Variants in PDE4D observed in about 807,000 individuals in gnomAD.
PDE4D encodes the protein 3',5'-cyclic-AMP phosphodiesterase 4D.
In PDE4D, 24 loss-of-function variants were observed where a neutral mutation model predicts 87.4. The observed-to-expected ratio is 0.27, with a 90% CI of 0.20 to 0.39. The LOEUF is 0.39. Among genes scored for constraint, PDE4D ranks in the 10% least tolerant of loss-of-function variants. PDE4D has a pLI of 1.00. For synonymous variants in PDE4D, 384 were observed against 383.2 expected, an observed-to-expected ratio of 1.00 and a Z score of -0.02; for missense variants, 714 against 1,041.0, an observed-to-expected ratio of 0.69 and a Z score of 4.32.
At chr5:60,384,313 C>T (rs1762059820) in intron 1 of PDE4D, among the ~76,000 whole-genome samples, 1 of 152,140 alleles carries the variant, frequency 6.6e-6, no homozygotes, top group African/African-American at 2.4e-5. Flanking sequence ...ATTATTCTTA[C>T]CTATTCATTA....
At chr5:59,849,367 CAA>C (rs1744340761) in intron 1 of PDE4D, among the ~76,000 whole-genome samples, 2 of 151,728 alleles carry the variant, frequency 1.3e-5, no homozygotes, top group Admixed American at 1.3e-4. Flanking sequence ...TTTAAAGAAA[CAA>C]GAGCAACAAA....
chr5:59,606,495 G>GATTCATCTT, intron 1 of PDE4D, among the ~76,000 whole-genome samples: 1 of 152,040 alleles, frequency 6.6e-6, no homozygotes, highest in South Asian at 2.1e-4. Context: ...TGAATCTGAG[G>GATTCATCTT]AACCTGGAGA....
chr5:59,395,232 G>A (rs919450356), intron 1 of PDE4D, among the ~76,000 whole-genome samples: 5 of 152,146 alleles, frequency 3.3e-5, no homozygotes, highest in Admixed American at 6.5e-5. Flanking sequence ...GCCCACCACA[G>A]CTCAAGGAGG....
intron 1 of PDE4D, among the ~76,000 whole-genome samples, chr5:59,402,748 G>A (rs932469106): frequency 6.6e-6 from 1 of 152,002 alleles, no homozygotes; most frequent in African/African-American, 2.4e-5. Context: ...GGAGTCTTTT[G>A]TGCCACCCTC....
At chr5:59,604,369 A>T (rs1168097039) in intron 1 of PDE4D, among the ~76,000 whole-genome samples, 1 of 152,068 alleles carries the variant, frequency 6.6e-6, no homozygotes, top group Non-Finnish European at 1.5e-5. Flanking sequence ...GATTCCTCAG[A>T]TGTTTGCCAT....
chr5:60,338,960 C>A (rs1758064104), intron 1 of PDE4D, among the ~76,000 whole-genome samples: 1 of 152,130 alleles, frequency 6.6e-6, no homozygotes, highest in African/African-American at 2.4e-5. Context: ...TAGTACCAAA[C>A]CTAATTGCGG....
At chr5:59,214,108 C>T (rs748055036) in intron 2 of PDE4D, among the ~76,000 whole-genome samples, 20 of 150,748 alleles carry the variant, frequency 1.3e-4, no homozygotes, top group Non-Finnish European at 1.8e-4. Flanking sequence ...GCATCTAAAC[C>T]AGCTCTTTGC....
chr5:60,062,154 T>A (rs1771479032), intron 2 of PDE4D, among the ~76,000 whole-genome samples: 1 of 151,964 alleles, frequency 6.6e-6, no homozygotes. Flanking sequence ...ATTTTTGCAA[T>A]CTACCCATCT....
chr5:59,866,807 T>C (rs1038617267), intron 1 of PDE4D, among the ~76,000 whole-genome samples: 3 of 152,166 alleles, frequency 2.0e-5, no homozygotes, highest in Non-Finnish European at 4.4e-5. Context: ...AAGCTGAAGT[T>C]GTCACGATCT....
At chr5:60,248,403 A>G (rs1193219314) in intron 1 of PDE4D, among the ~76,000 whole-genome samples, 2 of 152,088 alleles carry the variant, frequency 1.3e-5, no homozygotes, top group East Asian at 1.9e-4. Context: ...CATGTCAGCC[A>G]TGGCAAGACA....
At chr5:59,840,910 G>A (rs1399674501) in intron 1 of PDE4D, among the ~76,000 whole-genome samples, 3 of 152,042 alleles carry the variant, frequency 2.0e-5, no homozygotes, top group Admixed American at 1.3e-4. Flanking sequence ...ATTGATTCTT[G>A]AAGAAAGATT....
chr5:60,430,092 T>C (rs1744087325), intron 1 of PDE4D: 3 of 524,316 alleles, frequency 5.7e-6, no homozygotes, highest in African/African-American at 1.9e-5. Context: ...TATCAAAGTG[T>C]GCATCTGGAG....
At chr5:60,159,690 A>G (rs1782306745) in intron 2 of PDE4D, among the ~76,000 whole-genome samples, 1 of 152,214 alleles carries the variant, frequency 6.6e-6, no homozygotes, top group African/African-American at 2.4e-5. Flanking sequence ...TGACTGTACT[A>G]AATAAATATT....
At chr5:59,814,361 A>C (rs1372113303) in intron 1 of PDE4D, among the ~76,000 whole-genome samples, 3 of 152,142 alleles carry the variant, frequency 2.0e-5, no homozygotes, top group Non-Finnish European at 2.9e-5. Context: ...AATTTGGCTG[A>C]CCCCTGCATG....
intron 1 of PDE4D, among the ~76,000 whole-genome samples, chr5:59,828,294 A>T (rs1770562648): frequency 6.6e-6 from 1 of 152,106 alleles, no homozygotes; most frequent in South Asian, 2.1e-4. Flanking sequence ...AAACTTCCAG[A>T]TATATGTTAT....
chr5:60,430,042 T>G (rs1031801866), intron 1 of PDE4D: 1 of 523,014 alleles, frequency 1.9e-6, no homozygotes, highest in Non-Finnish European at 3.8e-6. Context: ...GTATGAGACG[T>G]TGCTTATTCC....
chr5:59,337,465 T>G (rs1432442688), intron 1 of PDE4D, among the ~76,000 whole-genome samples: 2 of 151,910 alleles, frequency 1.3e-5, no homozygotes, highest in African/African-American at 4.8e-5. Flanking sequence ...AAGTTCCCCT[T>G]TTTAATAATG....
chr5:59,797,504 G>A (rs1388314668), intron 1 of PDE4D, among the ~76,000 whole-genome samples: 2 of 152,160 alleles, frequency 1.3e-5, no homozygotes, highest in African/African-American at 2.4e-5. Context: ...TTCAAATGGG[G>A]GCATTTAGCA....
At chr5:60,474,003 T>C (rs1748069789) in intron 1 of PDE4D, among the ~76,000 whole-genome samples, 1 of 149,808 alleles carries the variant, frequency 6.7e-6, no homozygotes, top group Admixed American at 6.7e-5. Flanking sequence ...TCCTATTCTT[T>C]CCAAGTCATC....
Sources: allele counts gnomAD v4.1 joint callset (sites outside exome capture counted in the v4.1 genomes callset), GRCh38; gene constraint gnomAD v4.1.1; transcripts MANE v1.5; gene names NCBI Gene and HGNC (gene_info 2026-07-23, HGNC 2026-07-21).